Variants in EDIL3 observed in about 807,000 individuals in gnomAD.
EDIL3 encodes EGF like and discoidin domains 3, also known as EGF-like repeat and discoidin I-like domain-containing protein 3.
In EDIL3, 37 loss-of-function variants were observed where a neutral mutation model predicts 67.4. That is an observed-to-expected ratio of 0.55 (90% CI 0.42 to 0.72). The LOEUF (loss-of-function observed/expected upper bound fraction) is 0.72, where lower values mean the gene tolerates loss of function less well. EDIL3 is among the 30% of genes least tolerant of loss of function. EDIL3 has a pLI of 0.00. For synonymous variants in EDIL3, 195 were observed against 196.3 expected (o/e 0.99, Z 0.05); for missense variants, 527 against 586.3 (o/e 0.90, Z 1.04).
At chr5:84,179,634 T>C (rs879403338) in intron 4 of EDIL3, among the ~76,000 whole-genome samples, 3 of 152,186 alleles carry the variant, frequency 2.0e-5, no homozygotes, top group Non-Finnish European at 4.4e-5. Flanking sequence ...TTCCCCACTC[T>C]TCCTACTATG....
intron 6 of EDIL3, among the ~76,000 whole-genome samples, chr5:84,093,526 C>A (rs1456023811): frequency 6.6e-6 from 1 of 151,986 alleles, no homozygotes; most frequent in African/African-American, 2.4e-5. Context: ...AATAGATGAA[C>A]CATGCAGTGC....
intron 10 of EDIL3, among the ~76,000 whole-genome samples, chr5:83,952,378 A>T (rs2112118286): frequency 6.6e-6 from 1 of 151,938 alleles, no homozygotes; most frequent in Admixed American, 6.6e-5. Flanking sequence ...GATTGCCTAT[A>T]AAGATTTATG....
At chr5:84,213,568 A>G (rs1053039051) in intron 3 of EDIL3, among the ~76,000 whole-genome samples, 14 of 152,320 alleles carry the variant, frequency 9.2e-5, no homozygotes, top group African/African-American at 2.6e-4. Flanking sequence ...TTTAAAAGCA[A>G]CCAATAATGT....
chr5:84,009,388 C>A (rs1745479941), intron 9 of EDIL3, among the ~76,000 whole-genome samples: 1 of 152,070 alleles, frequency 6.6e-6, no homozygotes, highest in African/African-American at 2.4e-5. Flanking sequence ...ACATTCTTTC[C>A]AAACTTGGAA....
intron 9 of EDIL3, among the ~76,000 whole-genome samples, chr5:84,003,277 T>C (rs1242319831): frequency 1.3e-5 from 2 of 152,036 alleles, no homozygotes; most frequent in African/African-American, 4.8e-5. Flanking sequence ...CCATGGGGTG[T>C]AACTTCAAGA....
At chr5:84,357,887 CA>C (rs140686250) in intron 1 of EDIL3, among the ~76,000 whole-genome samples, 1,787 of 79,220 alleles carry the variant, frequency 0.023, 8 homozygotes, top group African/African-American at 0.056. Context: ...GACTCAGTCT[CA>C]AAAAAAAAAA....
chr5:83,979,269 C>T (rs4354014), intron 9 of EDIL3, among the ~76,000 whole-genome samples: 71,076 of 151,872 alleles, frequency 0.47, 16,885 homozygotes, highest in East Asian at 0.64. Context: ...GTGTTAGGTG[C>T]TGGCGAGTAG....
chr5:83,983,686 A>G (rs1231772985), intron 9 of EDIL3, among the ~76,000 whole-genome samples: 1 of 151,744 alleles, frequency 6.6e-6, no homozygotes, highest in African/African-American at 2.4e-5. Flanking sequence ...TTCAAAGAGT[A>G]GTAATGAGAA....
intron 6 of EDIL3, among the ~76,000 whole-genome samples, chr5:84,071,768 T>G (rs1213197298): frequency 6.6e-6 from 1 of 152,214 alleles, no homozygotes; most frequent in Admixed American, 6.5e-5. Flanking sequence ...TTAAAAGTTC[T>G]GCAAGTTTGC....
chr5:83,958,680 T>A (rs1744555824), intron 10 of EDIL3, among the ~76,000 whole-genome samples: 1 of 151,610 alleles, frequency 6.6e-6, no homozygotes, highest in Admixed American at 6.6e-5. Context: ...ATTTCTAATT[T>A]TTCCATATAA....
At chr5:84,354,262 C>G (rs1747426307) in intron 1 of EDIL3, among the ~76,000 whole-genome samples, 2 of 152,142 alleles carry the variant, frequency 1.3e-5, no homozygotes, top group Admixed American at 6.6e-5. Flanking sequence ...TGTCTCTTCT[C>G]TTGCCCTCTC....
intron 2 of EDIL3, among the ~76,000 whole-genome samples, chr5:84,253,633 A>G (rs540644671): frequency 6.6e-6 from 1 of 152,314 alleles, no homozygotes; most frequent in African/African-American, 2.4e-5. Flanking sequence ...ATGCTTAGAA[A>G]TATAAAATAT....
intron 9 of EDIL3, among the ~76,000 whole-genome samples, chr5:83,988,134 T>C (rs1459533232): frequency 1.3e-5 from 2 of 152,126 alleles, no homozygotes; most frequent in African/African-American, 4.8e-5. Flanking sequence ...TTGTAAGTTC[T>C]TTCTCATAAC....
At chr5:84,245,300 C>G (rs1235923254) in intron 2 of EDIL3, among the ~76,000 whole-genome samples, 1 of 152,026 alleles carries the variant, frequency 6.6e-6, no homozygotes, top group Non-Finnish European at 1.5e-5. Flanking sequence ...TCTTCTTTTT[C>G]TCTTCATGTG....
chr5:84,043,243 T>C (rs890849084), intron 9 of EDIL3, among the ~76,000 whole-genome samples: 3 of 152,150 alleles, frequency 2.0e-5, no homozygotes, highest in African/African-American at 7.2e-5. Context: ...TTGCTTAGAG[T>C]GGTCCATGCA....
At chr5:83,999,021 A>G (rs1240261664) in intron 9 of EDIL3, among the ~76,000 whole-genome samples, 1 of 152,194 alleles carries the variant, frequency 6.6e-6, no homozygotes, top group African/African-American at 2.4e-5. Context: ...GATCTCATCC[A>G]GGACCATCAA....
At chr5:84,203,242 T>C (rs1743883656) in intron 3 of EDIL3, among the ~76,000 whole-genome samples, 1 of 152,194 alleles carries the variant, frequency 6.6e-6, no homozygotes, top group Admixed American at 6.5e-5. Context: ...AATATACTGA[T>C]ATTCTGTAGG....
chr5:84,013,850 A>T (rs148413095), intron 9 of EDIL3, among the ~76,000 whole-genome samples: 1 of 152,334 alleles, frequency 6.6e-6, no homozygotes, highest in African/African-American at 2.4e-5. Context: ...AAAGTACCAA[A>T]ATATGGAGTC....
chr5:83,943,192 T>C lies in EDIL3; in HGVS notation c.*227A>G, dbSNP rs1156311478. 6.0e-6 allele frequency: 3 copies of C among 504,024 alleles called. No homozygotes were observed. The highest frequency in any genetic ancestry group is 1.0e-5 in the Non-Finnish European group (3 of 285,820). 31.2% of individuals were successfully genotyped at this position (504,024 alleles called of 1,614,324 possible). On this transcript the variant is annotated 3_prime_UTR_variant, in exon 11 of 11. Transcript: ENST00000296591. ...TGAGAGAAAAGTAATTCACACTTAA[T>C]GTGTTGTTACTTAAGAGATTTGACG...
Sources: allele counts gnomAD v4.1 joint callset (sites outside exome capture counted in the v4.1 genomes callset), GRCh38; gene constraint gnomAD v4.1.1; transcripts MANE v1.5; gene names NCBI Gene and HGNC (gene_info 2026-07-23, HGNC 2026-07-21).